Variants in NR2F1-AS1 observed in about 807,000 individuals in gnomAD.
The protein encoded by NR2F1-AS1 is NR2F1 antisense RNA 1.
Position 93,445,568 on chromosome 5 carries a change from CA to C in NR2F1-AS1, n.639-50027del, listed in dbSNP as rs999248997. On this transcript the variant is annotated intron_variant and non_coding_transcript_variant, in intron 4 of 5. Coordinates refer to ENST00000660523, the Ensembl canonical transcript of NR2F1-AS1. Reference sequence around the variant, plus strand: ...AGGCAATAATTAATAGCCTACCAATCAAAAAAAAAAATCCAAGACCAGACAG... The same window carrying C: ...AGGCAATAATTAATAGCCTACCAATCAAAAAAAAAATCCAAGACCAGACAG... 9.4e-4 allele frequency among the ~76,000 whole-genome samples: 137 copies of C among 146,370 alleles called. No homozygotes were observed. In the Middle Eastern group the frequency reaches 0.011, roughly 11 times the overall value.
At chr5:93,463,288 C>A (rs1750141040) in intron 4 of NR2F1-AS1, among the ~76,000 whole-genome samples, 1 of 152,184 alleles carries the variant, frequency 6.6e-6, no homozygotes, top group Non-Finnish European at 1.5e-5. Flanking sequence ...GCCTTGGCAA[C>A]TTCCACATGA....
At chr5:93,529,794 T>C (rs1200924152) in intron 4 of NR2F1-AS1, among the ~76,000 whole-genome samples, 2 of 152,196 alleles carry the variant, frequency 1.3e-5, no homozygotes, top group African/African-American at 4.8e-5. Flanking sequence ...TGTAACTATT[T>C]TGTACAATAG....
intron 4 of NR2F1-AS1, among the ~76,000 whole-genome samples, chr5:93,499,519 G>C (rs137858065): frequency 6.6e-6 from 1 of 152,018 alleles, no homozygotes; most frequent in African/African-American, 2.4e-5. Flanking sequence ...GAGGCACCAC[G>C]GACCATGCCC....
chr5:93,456,364 T>C (rs1462486424), intron 4 of NR2F1-AS1, among the ~76,000 whole-genome samples: 2 of 152,140 alleles, frequency 1.3e-5, no homozygotes, highest in Admixed American at 6.5e-5. Flanking sequence ...AAACTGGAAA[T>C]AATTGGGAAT....
At chr5:93,521,465 C>T (rs1478335813) in intron 4 of NR2F1-AS1, among the ~76,000 whole-genome samples, 1 of 151,950 alleles carries the variant, frequency 6.6e-6, no homozygotes, top group Non-Finnish European at 1.5e-5. Flanking sequence ...ACTATGTACC[C>T]AACAGAGGTC....
chr5:93,442,890 G>A (rs917874140), intron 4 of NR2F1-AS1, among the ~76,000 whole-genome samples: 5 of 152,238 alleles, frequency 3.3e-5, no homozygotes, highest in African/African-American at 1.2e-4. Flanking sequence ...TGCAATATTT[G>A]CTGCTCTGCA....
rs1218740912 is a variant in NR2F1-AS1, at chr5:93,459,583, T to C, written n.639-64041A>G. Among the ~76,000 whole-genome samples, 5 of 152,206 alleles carry C rather than the reference T, an allele frequency of 3.3e-5. No individual in the cohort carries two copies. The East Asian group carries it at 5.8e-4, about 18-fold the overall frequency. The stretch of plus-strand genomic sequence containing the variant: ...GTAAAGCTGAGTTTTAGAAGTTGAC[T>C]TGACAAAACATTTTTAAATTAGTAA... On this transcript the variant is annotated intron_variant and non_coding_transcript_variant, in intron 4 of 5. Coordinates refer to ENST00000660523, the Ensembl canonical transcript of NR2F1-AS1.
At chr5:93,416,725 C>T (rs1372043046) in intron 4 of NR2F1-AS1, among the ~76,000 whole-genome samples, 1 of 152,098 alleles carries the variant, frequency 6.6e-6, no homozygotes. Context: ...GAACTCCTTC[C>T]AAAGTTGCAG....
At chr5:93,549,123 T>C (rs1752163789) in intron 4 of NR2F1-AS1, among the ~76,000 whole-genome samples, 1 of 152,086 alleles carries the variant, frequency 6.6e-6, no homozygotes, top group South Asian at 2.1e-4. Context: ...ATTAATAGTG[T>C]TAGGGGATTG....
chr5:93,578,583 T>C (rs1030196546), intron 1 of NR2F1-AS1, among the ~76,000 whole-genome samples: 3 of 151,944 alleles, frequency 2.0e-5, no homozygotes, highest in African/African-American at 7.3e-5. Flanking sequence ...GCTGGAGGCC[T>C]CGGGTAGGAT....
chr5:93,504,291 A>G (rs1751141576), intron 4 of NR2F1-AS1, among the ~76,000 whole-genome samples: 1 of 152,232 alleles, frequency 6.6e-6, no homozygotes, highest in Non-Finnish European at 1.5e-5. Context: ...AATATTCTGT[A>G]CAAACAAACT....
chr5:93,573,763 G>A (rs1358984552), intron 1 of NR2F1-AS1, among the ~76,000 whole-genome samples: 1 of 152,138 alleles, frequency 6.6e-6, no homozygotes, highest in Non-Finnish European at 1.5e-5. Context: ...AGAGCATCCC[G>A]TCCTCGCCTC....
intron 4 of NR2F1-AS1, among the ~76,000 whole-genome samples, chr5:93,429,367 G>A (rs1580215501): frequency 6.6e-6 from 1 of 152,136 alleles, no homozygotes; most frequent in South Asian, 2.1e-4. Context: ...TAATATAAGA[G>A]TTTAACTCTT....
chr5:93,533,922 A>G (rs931095301), intron 4 of NR2F1-AS1, among the ~76,000 whole-genome samples: 1 of 152,146 alleles, frequency 6.6e-6, no homozygotes, highest in African/African-American at 2.4e-5. Flanking sequence ...ACATGAGGCC[A>G]GTTCAAGTCC....
chr5:93,482,555 G>GA (rs1750622990), intron 4 of NR2F1-AS1, among the ~76,000 whole-genome samples: 1 of 149,244 alleles, frequency 6.7e-6, no homozygotes, highest in African/African-American at 2.5e-5. Flanking sequence ...AACTACAGGA[G>GA]TTTTTTTTTT....
chr5:93,551,344 T>C (rs1192391832), intron 4 of NR2F1-AS1, among the ~76,000 whole-genome samples: 3 of 152,118 alleles, frequency 2.0e-5, no homozygotes, highest in Admixed American at 6.5e-5. Context: ...AGTATCTTCA[T>C]TGTAATTCCT....
At chr5:93,550,466 G>A (rs569843022) in intron 4 of NR2F1-AS1, among the ~76,000 whole-genome samples, 3 of 152,216 alleles carry the variant, frequency 2.0e-5, no homozygotes, top group African/African-American at 7.2e-5. Flanking sequence ...TTCCTTCCAA[G>A]GAAAATGTTT....
intron 4 of NR2F1-AS1, among the ~76,000 whole-genome samples, chr5:93,423,800 ATAC>A (rs1749140469): frequency 6.6e-6 from 1 of 152,108 alleles, no homozygotes; most frequent in South Asian, 2.1e-4. Context: ...AATAATCTTA[ATAC>A]TACTAGATTT....
chr5:93,501,953 A>C (rs1751089643), intron 4 of NR2F1-AS1, among the ~76,000 whole-genome samples: 1 of 152,212 alleles, frequency 6.6e-6, no homozygotes, highest in East Asian at 1.9e-4. Context: ...AACCTTCAGC[A>C]ACCACAACCT....
Sources: gnomAD v4.1 joint callset for allele counts (sites outside exome capture counted in the v4.1 genomes callset) on GRCh38, gnomAD v4.1.1 for gene constraint, MANE v1.5 for transcripts, NCBI Gene and HGNC (gene_info 2026-07-23, HGNC 2026-07-21) for gene names.